The following SLC9A2 variants were observed in gnomAD, a reference collection of about 807,000 sequenced individuals.
The protein encoded by SLC9A2 is solute carrier family 9 member A2, also known as sodium/hydrogen exchanger 2.
In SLC9A2, 42 loss-of-function variants were observed where a neutral mutation model predicts 71.7. The ratio of observed to expected loss-of-function variants is 0.59; its 90% CI spans 0.46 to 0.76. SLC9A2 has a LOEUF of 0.76. Ranked by LOEUF, SLC9A2 falls within the 30% of genes least tolerant of loss-of-function variation. The pLI, the probability that SLC9A2 is intolerant of heterozygous loss-of-function variation, is 0.00. For synonymous variants in SLC9A2, 396 were observed against 392.5 expected (o/e 1.01, Z -0.10); for missense variants, 829 against 1,017.4 (o/e 0.81, Z 2.52).
At chr2:102,658,128 C>T in intron 2 of SLC9A2, 101 bp downstream of exon 2, 1 of 867,218 alleles carries the variant, frequency 1.2e-6, no homozygotes, top group South Asian at 1.6e-5. Flanking sequence ...ACCCTGCACA[C>T]AGGGTGGTTT....
intron 1 of SLC9A2, among the ~76,000 whole-genome samples, chr2:102,634,853 C>A (rs977780803): frequency 6.6e-6 from 1 of 152,026 alleles, no homozygotes; most frequent in African/African-American, 2.4e-5. Flanking sequence ...AAAGACTAGG[C>A]CTGCAGGGTT....
chr2:102,627,448 T>C (rs1676271760), intron 1 of SLC9A2, among the ~76,000 whole-genome samples: 1 of 152,214 alleles, frequency 6.6e-6, no homozygotes, highest in African/African-American at 2.4e-5. Context: ...GTTTATAGTT[T>C]TATTTGGTTT....
At position 102,708,333 on chromosome 2, in the gene SLC9A2, C is replaced by T. The variant is rs1678025823; in HGVS notation, c.2283C>T (p.Gly761=). ...HSREKGTQTS[G]LLQQPLLSKD... ...GAGAAAAGGGCACCCAGACGTCAGG[C>T]TTACTACAGCAGCCCCTTCTCTCTA... is the stretch of plus-strand genomic sequence containing the variant. The change falls in exon 12 of 12, where the codon GGC becomes GGT. Residue 761 remains glycine, a synonymous_variant. Transcript: ENST00000233969. The T allele has an allele frequency of 6.2e-7, 1 of 1,614,210 alleles. No individual in the cohort carries two copies. Among genetic ancestry groups the T allele is most frequent in the Non-Finnish European group, 8.5e-7 (1 of 1,180,038 alleles).
intron 5 of SLC9A2, among the ~76,000 whole-genome samples, chr2:102,684,881 G>T (rs1013524049): frequency 2.6e-5 from 4 of 152,118 alleles, no homozygotes; most frequent in African/African-American, 9.7e-5. Context: ...ATATTTCCTG[G>T]ACTCCTGCTA....
intron 1 of SLC9A2, among the ~76,000 whole-genome samples, chr2:102,625,720 T>C (rs1483904575): frequency 3.9e-5 from 6 of 152,322 alleles, no homozygotes; most frequent in East Asian, 1.9e-4. Context: ...CAGTCTATCA[T>C]TGTTGGACAT....
In SLC9A2 at chr2:102,684,793, C is replaced by T. The variant is rs1290649175; in HGVS notation, c.1425+457C>T. 2.0e-5 allele frequency among the ~76,000 whole-genome samples: 3 copies of T among 152,188 alleles called. No individual in the cohort carries two copies. The East Asian group carries it at 5.8e-4, about 29-fold the overall frequency. ...TGGTGGACCTGTGTCCAGATCCCTA[C>T]TTTGCAAGTTAATCAATATCTTTAA... On this transcript the variant is annotated intron_variant, in intron 5 of 11. Coordinates refer to ENST00000233969, the MANE Select transcript of SLC9A2 (RefSeq NM_003048.6).
intron 8 of SLC9A2, 52 bp downstream of exon 8, chr2:102,701,283 G>A (rs756696028): frequency 3.1e-6 from 4 of 1,307,652 alleles, no homozygotes; most frequent in South Asian, 1.4e-5. Context: ...GGCATTGATA[G>A]TATTTTGAAA....
Position 102,640,710 on chromosome 2 carries a change from C to A in SLC9A2, c.290-16854C>A, listed in dbSNP as rs146883812. On this transcript the variant is annotated intron_variant, in intron 1 of 11. Transcript: ENST00000233969. ...CATCATTTAGGGTCTTCATGGAGGGCCCATTAGATAGGTGATGGAACTCAA... is the reference window on the plus strand; with the variant it reads ...CATCATTTAGGGTCTTCATGGAGGGACCATTAGATAGGTGATGGAACTCAA... Among the ~76,000 whole-genome samples the A allele has an allele frequency of 5.8e-3, 878 of 152,200 alleles. 9 individuals carry two copies. The highest frequency in any genetic ancestry group is 0.02 in the African/African-American group (846 of 41,524).
chr2:102,628,478 G>A (rs144001078), intron 1 of SLC9A2, among the ~76,000 whole-genome samples: 58 of 152,178 alleles, frequency 3.8e-4, no homozygotes, highest in African/African-American at 1.2e-3. Flanking sequence ...TCTCAAAGAT[G>A]AATTCTCATG....
chr2:102,669,692 A>G (rs559593057), intron 3 of SLC9A2, among the ~76,000 whole-genome samples: 16 of 152,364 alleles, frequency 1.1e-4, no homozygotes, highest in Non-Finnish European at 2.2e-4. Flanking sequence ...GAGTCAAAGC[A>G]CTGATGATTC....
chr2:102,704,748 A>G (rs1187449155), intron 10 of SLC9A2, 73 bp downstream of exon 10: 4 of 1,512,618 alleles, frequency 2.6e-6, no homozygotes, highest in South Asian at 1.1e-5. Flanking sequence ...AGCTGATGGT[A>G]TCATCAGCTC....
intron 1 of SLC9A2, among the ~76,000 whole-genome samples, chr2:102,621,304 G>C: frequency 7.0e-6 from 1 of 142,104 alleles, no homozygotes; most frequent in Non-Finnish European, 1.5e-5. Context: ...GCCATGAATG[G>C]CACCACTGCA....
chr2:102,643,302 C>G (rs1348417416), intron 1 of SLC9A2, among the ~76,000 whole-genome samples: 1 of 152,142 alleles, frequency 6.6e-6, no homozygotes, highest in East Asian at 1.9e-4. Flanking sequence ...ATAGAAAAGC[C>G]AGGGTGTTCC....
chr2:102,695,075 T>C lies in SLC9A2; in HGVS notation c.1548T>C (p.Asp516=), dbSNP rs932510248. 6.2e-7 allele frequency: 1 copy of C among 1,614,054 alleles called. No homozygotes were observed. Residue 516 remains aspartate (D), a synonymous_variant, in exon 7 of 12, where the codon GAT becomes GAC. Coordinates refer to ENST00000233969, the MANE Select transcript of SLC9A2 (RefSeq NM_003048.6). ...ATCATGTGAAGACTGGAATTGAAGA[T>C]GTTTGTGGACATTGGGGTCACAACT... ...LFDHVKTGIE[D]VCGHWGHNFW...
intron 3 of SLC9A2, among the ~76,000 whole-genome samples, chr2:102,681,653 G>T (rs1229716932): frequency 1.3e-5 from 2 of 152,166 alleles, no homozygotes; most frequent in African/African-American, 4.8e-5. Context: ...AATTTTATTA[G>T]CACATTTAAT....
At chr2:102,641,215 G>A (rs1371523663) in intron 1 of SLC9A2, among the ~76,000 whole-genome samples, 1 of 152,174 alleles carries the variant, frequency 6.6e-6, no homozygotes, top group South Asian at 2.1e-4. Context: ...AGGGGCCTCA[G>A]CAGGGTCATG....
chr2:102,644,246 C>T (rs1450117265), intron 1 of SLC9A2, among the ~76,000 whole-genome samples: 1 of 152,068 alleles, frequency 6.6e-6, no homozygotes, highest in Non-Finnish European at 1.5e-5. Flanking sequence ...ACTCCCTCCC[C>T]TAGCCAAAGG....
intron 2 of SLC9A2, among the ~76,000 whole-genome samples, chr2:102,664,273 C>CAAA (rs879751313): frequency 3.1e-5 from 3 of 98,150 alleles, no homozygotes; most frequent in Non-Finnish European, 2.2e-5. Context: ...GAGTGAGACT[C>CAAA]AAAAAAAAAA....
At chr2:102,681,151 C>T (rs1396679221) in intron 3 of SLC9A2, among the ~76,000 whole-genome samples, 1 of 152,200 alleles carries the variant, frequency 6.6e-6, no homozygotes, top group Non-Finnish European at 1.5e-5. Flanking sequence ...GGATAAGCCA[C>T]AGCTTGGTGG....
Sources: allele counts gnomAD v4.1 joint callset (sites outside exome capture counted in the v4.1 genomes callset), GRCh38; gene constraint gnomAD v4.1.1; transcripts MANE v1.5; gene names NCBI Gene and HGNC (gene_info 2026-07-23, HGNC 2026-07-21).